Variants in AIG1 observed in about 807,000 individuals in gnomAD.
AIG1 encodes the protein androgen induced 1.
In AIG1, 23 loss-of-function variants were observed where a neutral mutation model predicts 31.4. The ratio of observed to expected loss-of-function variants is 0.73; its 90% CI spans 0.53 to 1.04. AIG1 has a LOEUF of 1.04. Ranked by LOEUF, AIG1 falls within the 50% of genes least tolerant of loss-of-function variation. The probability of loss-of-function intolerance (pLI) is 0.00; values close to 1 mark genes in which losing one functional copy is unlikely to be tolerated. For synonymous variants in AIG1, 100 were observed against 110.5 expected (o/e 0.90, Z 0.60); for missense variants, 274 against 295.0 (o/e 0.93, Z 0.52).
intron 3 of AIG1, among the ~76,000 whole-genome samples, chr6:143,203,197 G>A (rs1035799934): frequency 1.3e-5 from 2 of 152,112 alleles, no homozygotes; most frequent in Non-Finnish European, 2.9e-5. Context: ...TTAATCTCTT[G>A]GAAATGGCTG....
intron 1 of AIG1, among the ~76,000 whole-genome samples, chr6:143,084,636 A>G (rs538323691): frequency 1.8e-4 from 27 of 152,218 alleles, no homozygotes; most frequent in Non-Finnish European, 3.5e-4. Context: ...TGATAAACTT[A>G]TCCTTTAAGA....
At position 143,106,691 on chromosome 6, in the gene AIG1, C is replaced by G. The variant is rs139160480; in HGVS notation, c.142-30144C>G. ...CTCATTTCAGTTTAGCAACCTTGAC[C>G]TTGGGTTAGGTTTGGGGTGACTTCC... On this transcript the variant is annotated intron_variant, in intron 1 of 5. Coordinates refer to ENST00000357847, the MANE Select transcript of AIG1 (RefSeq NM_016108.4). 1.7e-3 allele frequency among the ~76,000 whole-genome samples: 260 copies of G among 152,282 alleles called. 2 individuals carry two copies. The Middle Eastern group carries it at 0.027, about 16-fold the overall frequency.
At chr6:143,300,279 G>A (rs1798737053) in intron 4 of AIG1, among the ~76,000 whole-genome samples, 1 of 152,164 alleles carries the variant, frequency 6.6e-6, no homozygotes, top group Admixed American at 6.5e-5. Context: ...ATTAATGTTT[G>A]TCAAAACATA....
At chr6:143,207,631 G>T (rs1361333270) in intron 3 of AIG1, among the ~76,000 whole-genome samples, 1 of 152,032 alleles carries the variant, frequency 6.6e-6, no homozygotes, top group Non-Finnish European at 1.5e-5. Flanking sequence ...AGTTCTTTGG[G>T]CTTCCATAGC....
At chr6:143,310,103 A>G (rs980636577) in intron 4 of AIG1, among the ~76,000 whole-genome samples, 5 of 151,964 alleles carry the variant, frequency 3.3e-5, no homozygotes, top group African/African-American at 7.2e-5. Context: ...CAAAAAATTC[A>G]TACAGATATA....
chr6:143,194,924 G>A (rs1348665493), intron 3 of AIG1, among the ~76,000 whole-genome samples: 2 of 152,198 alleles, frequency 1.3e-5, no homozygotes, highest in South Asian at 2.1e-4. Context: ...GCAGTACTAC[G>A]GGGGAGTCCC....
At chr6:143,276,704 A>G (rs1163344639) in intron 3 of AIG1, among the ~76,000 whole-genome samples, 1 of 151,686 alleles carries the variant, frequency 6.6e-6, no homozygotes, top group Non-Finnish European at 1.5e-5. Flanking sequence ...CATTCAAAAC[A>G]CTACAATGTC....
chr6:143,184,919 T>C (rs80201757), intron 3 of AIG1, among the ~76,000 whole-genome samples: 3,412 of 152,124 alleles, frequency 0.022, 107 homozygotes, highest in African/African-American at 0.068. Flanking sequence ...CAATCTCGGC[T>C]GAGTGCAATG....
At chr6:143,160,706 T>C (rs923413696) in intron 2 of AIG1, among the ~76,000 whole-genome samples, 1 of 152,176 alleles carries the variant, frequency 6.6e-6, no homozygotes, top group Non-Finnish European at 1.5e-5. Context: ...TTCAAATTTA[T>C]TTTGGGTTTG....
chr6:143,252,852 T>C (rs909848252), intron 3 of AIG1, among the ~76,000 whole-genome samples: 3 of 152,206 alleles, frequency 2.0e-5, no homozygotes, highest in Admixed American at 6.5e-5. Context: ...ATCTGAGGGA[T>C]TGACCGGGGA....
At chr6:143,086,021 C>T (rs1778746356) in intron 1 of AIG1, among the ~76,000 whole-genome samples, 1 of 152,200 alleles carries the variant, frequency 6.6e-6, no homozygotes, top group Non-Finnish European at 1.5e-5. Context: ...GCTTTTTTGA[C>T]TTAGAATAGT....
intron 1 of AIG1, among the ~76,000 whole-genome samples, chr6:143,096,038 C>T (rs1409960423): frequency 6.6e-6 from 1 of 151,496 alleles, no homozygotes; most frequent in African/African-American, 2.4e-5. Flanking sequence ...TCCCGAGTAG[C>T]TGGGACTACA....
At chr6:143,059,380 G>A (rs1334477), upstream of AIG1, among the ~76,000 whole-genome samples, 12,249 of 152,002 alleles carry the variant, frequency 0.081, 865 homozygotes, top group East Asian at 0.38. Flanking sequence ...CTAATCTACC[G>A]GCAGGAACCA....
In AIG1 at chr6:143,293,485, A is replaced by G. The variant is rs1412897751; in HGVS notation, c.515+9260A>G. Among the ~76,000 whole-genome samples, 1 of 152,204 alleles carries G rather than the reference A, an allele frequency of 6.6e-6. No individual in the cohort carries two copies. The highest frequency in any genetic ancestry group is 6.5e-5 in the Admixed American group (1 of 15,286). On this transcript the variant is annotated intron_variant, in intron 4 of 5. Coordinates refer to ENST00000357847, the MANE Select transcript of AIG1 (RefSeq NM_016108.4). The surrounding 1 kb of genome is among the most constrained non-coding windows in gnomAD (Gnocchi z 4.8). The stretch of plus-strand genomic sequence containing the variant: ...TTTCTCATCTTCTAAGGAAAAGTCT[A>G]TCTGGGCAGTTGAAAGCCTGACAAC...
intron 1 of AIG1, among the ~76,000 whole-genome samples, chr6:143,086,073 A>C (rs1330663669): frequency 6.6e-6 from 1 of 152,204 alleles, no homozygotes; most frequent in African/African-American, 2.4e-5. Flanking sequence ...TTTCCTCTAA[A>C]GGTTATTTTT....
At chr6:143,205,742 A>T (rs1791058268) in intron 3 of AIG1, among the ~76,000 whole-genome samples, 1 of 152,234 alleles carries the variant, frequency 6.6e-6, no homozygotes, top group Admixed American at 6.5e-5. Flanking sequence ...TGATTAATGT[A>T]ATATTGCATT....
rs561924766 is a variant in AIG1 at position 143,091,901 on chromosome 6, T to C, written c.141+30835T>C. ...CTTTTTTCCTCTATAAAATAGTAAA[T>C]TCCAAGATAGTCATAAAATTAGGTG... On this transcript the variant is annotated intron_variant, in intron 1 of 5. Transcript: ENST00000357847. 2.0e-5 allele frequency among the ~76,000 whole-genome samples: 3 copies of C among 152,318 alleles called. No homozygotes were observed. In the East Asian group the frequency reaches 5.8e-4, roughly 29 times the overall value.
At chr6:143,069,246 G>A (rs969931533) in intron 1 of AIG1, among the ~76,000 whole-genome samples, 1 of 152,002 alleles carries the variant, frequency 6.6e-6, no homozygotes, top group Non-Finnish European at 1.5e-5. Context: ...CGAACTCCTG[G>A]GCTCAAGCGA....
chr6:143,072,504 T>C (rs1359694099), intron 1 of AIG1, among the ~76,000 whole-genome samples: 2 of 152,182 alleles, frequency 1.3e-5, no homozygotes, highest in Non-Finnish European at 2.9e-5. Flanking sequence ...AGAAGGATCC[T>C]TTCTTGTTTC....
Sources: allele counts gnomAD v4.1 joint callset (sites outside exome capture counted in the v4.1 genomes callset), GRCh38; gene constraint gnomAD v4.1.1; non-coding constraint Gnocchi (gnomAD v3.1); transcripts MANE v1.5; gene names NCBI Gene and HGNC (gene_info 2026-07-23, HGNC 2026-07-21).